WWOX: variants seen among roughly 807,000 people sequenced by gnomAD.
WWOX encodes WW domain-containing oxidoreductase.
In WWOX, 69 loss-of-function variants were observed where a neutral mutation model predicts 46.2. The observed-to-expected ratio is 1.49, with a 90% CI of 1.23 to 1.82. The LOEUF is 1.82. Ranked by LOEUF, WWOX falls within the 40% of genes most tolerant of loss-of-function variation. The probability of loss-of-function intolerance (pLI) is 0.00; values close to 1 mark genes in which losing one functional copy is unlikely to be tolerated. For synonymous variants in WWOX, 359 were observed against 202.6 expected (o/e 1.77, Z -6.56); for missense variants, 919 against 542.6 (o/e 1.69, Z -6.89).
chr16:78,337,423 G>T (rs546058136), intron 5 of WWOX, among the ~76,000 whole-genome samples: 1 of 152,274 alleles, frequency 6.6e-6, no homozygotes, highest in East Asian at 1.9e-4. Context: ...TGGTATGAGG[G>T]TATTAACATC....
intron 8 of WWOX, among the ~76,000 whole-genome samples, chr16:79,052,456 C>G (rs1430956483): frequency 2.0e-5 from 3 of 152,190 alleles, no homozygotes; most frequent in African/African-American, 2.4e-5. Flanking sequence ...GACTATAAAT[C>G]TTTCTGCTAT....
At chr16:78,721,529 A>G (rs2048689993) in intron 8 of WWOX, among the ~76,000 whole-genome samples, 1 of 152,174 alleles carries the variant, frequency 6.6e-6, no homozygotes, top group South Asian at 2.1e-4. Flanking sequence ...GGGGAACCAG[A>G]GTATTTGCTC....
At chr16:78,958,502 T>G (rs1254330363) in intron 8 of WWOX, among the ~76,000 whole-genome samples, 1 of 152,248 alleles carries the variant, frequency 6.6e-6, no homozygotes, top group Admixed American at 6.5e-5. Context: ...CACACTTTAC[T>G]ACAATCCATA....
chr16:79,003,910 T>C (rs1454049800), intron 8 of WWOX, among the ~76,000 whole-genome samples: 2 of 152,164 alleles, frequency 1.3e-5, no homozygotes, highest in Admixed American at 6.5e-5. Flanking sequence ...GAGAAGCGAA[T>C]TGATGGGCAG....
intron 8 of WWOX, among the ~76,000 whole-genome samples, chr16:79,114,801 G>C (rs878997577): frequency 6.6e-6 from 1 of 152,194 alleles, no homozygotes; most frequent in African/African-American, 2.4e-5. Flanking sequence ...CAGGAGCACA[G>C]CTTCCAGATC....
At chr16:78,217,679 C>T (rs1347812024) in intron 5 of WWOX, among the ~76,000 whole-genome samples, 3 of 152,100 alleles carry the variant, frequency 2.0e-5, no homozygotes, top group Non-Finnish European at 4.4e-5. Context: ...GTGTTTAACA[C>T]ATGCCTGAGA....
intron 8 of WWOX, among the ~76,000 whole-genome samples, chr16:78,799,531 C>T (rs1272002345): frequency 6.6e-6 from 1 of 152,084 alleles, no homozygotes; most frequent in Non-Finnish European, 1.5e-5. Context: ...TTTTAGACCC[C>T]AAAAGTCCAC....
At chr16:78,838,840 C>A (rs1182629104) in intron 8 of WWOX, among the ~76,000 whole-genome samples, 2 of 152,094 alleles carry the variant, frequency 1.3e-5, no homozygotes, top group African/African-American at 2.4e-5. Flanking sequence ...GGTACTCCAT[C>A]TCAAAAGAGA....
chr16:78,738,762 G>T (rs868829457), intron 8 of WWOX, among the ~76,000 whole-genome samples: 2 of 152,168 alleles, frequency 1.3e-5, no homozygotes, highest in Non-Finnish European at 2.9e-5. Flanking sequence ...CAGCTGGTTA[G>T]ACCAGGGCTG....
intron 4 of WWOX, among the ~76,000 whole-genome samples, chr16:78,122,802 A>G (rs549438438): frequency 8.5e-5 from 13 of 152,128 alleles, no homozygotes; most frequent in Non-Finnish European, 1.6e-4. Flanking sequence ...ACAGGGATTC[A>G]CCATGTTGGC....
rs2550598 is a variant in WWOX at position 78,792,087 on chromosome 16, G to C, written c.1056+359335G>C. Among the ~76,000 whole-genome samples, 21 of 152,180 alleles carry C rather than the reference G, an allele frequency of 1.4e-4. No individual in the cohort carries two copies. In the South Asian group the frequency reaches 4.4e-3, roughly 32 times the overall value. On this transcript the variant is annotated intron_variant, in intron 8 of 8. Transcript: ENST00000566780. ...TGTCCCTGGTGCGGGGGAGCAGGAC[G>C]GTTGCCTGTATCCCTTAGTCATTGC...
intron 8 of WWOX, among the ~76,000 whole-genome samples, chr16:78,691,027 A>C (rs1465644937): frequency 6.6e-6 from 1 of 152,222 alleles, no homozygotes; most frequent in Non-Finnish European, 1.5e-5. Flanking sequence ...CTAAGCAGAC[A>C]TACTCGATAC....
At chr16:78,165,320 GGA>G (rs1245026246) in intron 5 of WWOX, among the ~76,000 whole-genome samples, 1 of 152,144 alleles carries the variant, frequency 6.6e-6, no homozygotes, top group African/African-American at 2.4e-5. Context: ...CTACTGTTAA[GGA>G]CAACAGACGT....
intron 8 of WWOX, among the ~76,000 whole-genome samples, chr16:79,010,160 G>A (rs960398395): frequency 3.9e-5 from 6 of 152,260 alleles, no homozygotes; most frequent in East Asian, 3.9e-4. Flanking sequence ...ATCCACCCAT[G>A]AAACAAGTGT....
chr16:78,262,615 A>G (rs1360331800), intron 5 of WWOX, among the ~76,000 whole-genome samples: 2 of 152,054 alleles, frequency 1.3e-5, no homozygotes, highest in Non-Finnish European at 2.9e-5. Flanking sequence ...GCCCCTTTCC[A>G]TGAAGTATAA....
intron 8 of WWOX, among the ~76,000 whole-genome samples, chr16:79,177,753 T>C (rs1335746354): frequency 1.3e-5 from 2 of 152,384 alleles, no homozygotes; most frequent in African/African-American, 4.8e-5. Context: ...GCAGACTTTC[T>C]GAAAAGGGAC....
chr16:78,360,055 G>C (rs182859636), intron 5 of WWOX, among the ~76,000 whole-genome samples: 148 of 152,114 alleles, frequency 9.7e-4, no homozygotes, highest in Admixed American at 4.3e-3. Context: ...ACAAAAAGGA[G>C]GATACCAATT....
intron 8 of WWOX, among the ~76,000 whole-genome samples, chr16:78,800,033 G>A (rs957360550): frequency 3.3e-5 from 5 of 152,120 alleles, no homozygotes; most frequent in Non-Finnish European, 7.3e-5. Context: ...GGGCAGAAGG[G>A]AAGGAACACT....
chr16:78,340,266 G>A (rs2151899280), intron 5 of WWOX, among the ~76,000 whole-genome samples: 1 of 112,332 alleles, frequency 8.9e-6, no homozygotes, highest in South Asian at 2.8e-4. Context: ...GTGTGATCCT[G>A]CCTAACTGCA....
Sources: gnomAD v4.1 joint callset for allele counts (sites outside exome capture counted in the v4.1 genomes callset) on GRCh38, gnomAD v4.1.1 for gene constraint, MANE v1.5 for transcripts, NCBI Gene and HGNC (gene_info 2026-07-23, HGNC 2026-07-21) for gene names.